The following WIF1 variants were observed in gnomAD, a reference collection of about 807,000 sequenced individuals.
The protein encoded by WIF1 is Wnt inhibitory factor 1.
WIF1 carries 35 observed loss-of-function variants against 53.5 expected under a neutral mutation model. That is an observed-to-expected ratio of 0.65 (90% CI 0.50 to 0.87). The LOEUF is 0.87. Ranked by LOEUF, WIF1 falls within the 40% of genes least tolerant of loss-of-function variation. The probability of loss-of-function intolerance (pLI) is 0.00; values close to 1 mark genes in which losing one functional copy is unlikely to be tolerated. For synonymous variants in WIF1, 171 were observed against 170.4 expected (o/e 1.00, Z -0.03); for missense variants, 467 against 476.8 (o/e 0.98, Z 0.19).
At chr12:65,118,568 T>C (rs189682602) in intron 2 of WIF1, among the ~76,000 whole-genome samples, 79 of 152,342 alleles carry the variant, frequency 5.2e-4, no homozygotes, top group African/African-American at 1.6e-3. Flanking sequence ...GGTGCTAACA[T>C]TGTCCTGCAT....
At chr12:65,101,390 T>G (rs897370503) in intron 2 of WIF1, among the ~76,000 whole-genome samples, 11 of 152,158 alleles carry the variant, frequency 7.2e-5, no homozygotes, top group Admixed American at 5.9e-4. Flanking sequence ...TAAATATTAG[T>G]AATATAGCTG....
chr12:65,055,944 G>A, intron 8 of WIF1, 87 bp downstream of exon 8: 5 of 1,182,080 alleles, frequency 4.2e-6, no homozygotes, highest in Non-Finnish European at 6.1e-6. Context: ...CAGGCAACAT[G>A]CACTAAGCAC....
chr12:65,062,426 T>C, intron 7 of WIF1, 55 bp downstream of exon 7: 4 of 1,429,592 alleles, frequency 2.8e-6, no homozygotes, highest in South Asian at 1.2e-5. Context: ...GAAGGGGTTA[T>C]ATGGGGTTTC....
intron 2 of WIF1, among the ~76,000 whole-genome samples, chr12:65,100,079 A>G (rs1198972871): frequency 1.3e-5 from 2 of 152,222 alleles, no homozygotes; most frequent in Non-Finnish European, 2.9e-5. Context: ...AAAGAAACTC[A>G]TAAAAATATT....
rs758383148 is a variant in WIF1, at chr12:65,112,404, TCACACACACACACACACACA to T, written c.288+7993_288+8012del. Among the ~76,000 whole-genome samples, 377 of 123,530 alleles carry T rather than the reference TCACACACACACACACACACA, an allele frequency of 3.1e-3. 3 individuals are homozygous for T. The highest frequency in any genetic ancestry group is 0.01 in the African/African-American group (362 of 34,884). 81.0% of individuals were successfully genotyped at this position (123,530 alleles called of 152,430 possible). A position where few individuals can be genotyped will look rare whatever the true frequency, so the allele number is the denominator to read the frequency against. ...ATTTTTTTACAGTTCCCTGCTCTAA[TCACACACACACACACACACA>T]CACACACACACACACACACACACAC... On this transcript the variant is annotated intron_variant, in intron 2 of 9. Coordinates refer to ENST00000286574, the MANE Select transcript of WIF1 (RefSeq NM_007191.5).
chr12:65,109,874 G>A (rs187032757), intron 2 of WIF1, among the ~76,000 whole-genome samples: 19 of 152,240 alleles, frequency 1.2e-4, no homozygotes, highest in Admixed American at 5.2e-4. Context: ...AAGAGTGCCC[G>A]GCTCAGAGTA....
At chr12:65,084,962 G>C (rs974791020) in intron 2 of WIF1, among the ~76,000 whole-genome samples, 1 of 152,112 alleles carries the variant, frequency 6.6e-6, no homozygotes, top group South Asian at 2.1e-4. Context: ...TTATCTACCC[G>C]ATCTGTGTGT....
chr12:65,094,390 C>G (rs1373373885), intron 2 of WIF1, among the ~76,000 whole-genome samples: 1 of 152,130 alleles, frequency 6.6e-6, no homozygotes, highest in Non-Finnish European at 1.5e-5. Flanking sequence ...AAGACATGCT[C>G]TCATGTGAAG....
chr12:65,069,795 G>A (rs1882745352), intron 3 of WIF1, among the ~76,000 whole-genome samples: 1 of 152,008 alleles, frequency 6.6e-6, no homozygotes, highest in African/African-American at 2.4e-5. Context: ...GTGAAAATGG[G>A]GCAAATCAGA....
At chr12:65,053,691 T>C (rs1432558383) in intron 9 of WIF1, among the ~76,000 whole-genome samples, 2 of 152,140 alleles carry the variant, frequency 1.3e-5, no homozygotes, top group Non-Finnish European at 2.9e-5. Context: ...CTAATACATG[T>C]AACCTAGACC....
intron 2 of WIF1, among the ~76,000 whole-genome samples, chr12:65,086,061 C>A (rs1280536802): frequency 6.6e-6 from 1 of 151,090 alleles, no homozygotes; most frequent in African/African-American, 2.4e-5. Flanking sequence ...AGGTTTTTTA[C>A]TTTTATTTTT....
intron 2 of WIF1, among the ~76,000 whole-genome samples, chr12:65,108,308 G>C (rs1261574176): frequency 6.6e-6 from 1 of 152,146 alleles, no homozygotes; most frequent in African/African-American, 2.4e-5. Context: ...AGAAGGAAGG[G>C]TGATAGGGCA....
Position 65,050,641 on chromosome 12 carries a change from A to G in WIF1, c.*708T>C, listed in dbSNP as rs1169779948. On this transcript the variant is annotated 3_prime_UTR_variant, in exon 10 of 10. Coordinates refer to ENST00000286574, the MANE Select transcript of WIF1 (RefSeq NM_007191.5). ...CACACAATGCTCAGAAAACTAAAGCAGCACCTTTATTTTATACATACAAAC... is the reference window on the plus strand; with the variant it reads ...CACACAATGCTCAGAAAACTAAAGCGGCACCTTTATTTTATACATACAAAC... The G allele has an allele frequency of 1.1e-5, 2 of 177,404 alleles. No individual in the cohort carries two copies. The highest frequency in any genetic ancestry group is 4.7e-5 in the African/African-American group (2 of 42,306). The allele number at this position is 177,404 out of a possible 1,614,324, so 11.0% of individuals were successfully genotyped here.
At chr12:65,090,872 G>A (rs1883111799) in intron 2 of WIF1, among the ~76,000 whole-genome samples, 1 of 152,126 alleles carries the variant, frequency 6.6e-6, no homozygotes, top group African/African-American at 2.4e-5. Flanking sequence ...GGTAGCAGGA[G>A]TCCCTTGACA....
chr12:65,121,238 C>T lies in WIF1; in HGVS notation c.-47G>A, dbSNP rs1314769490. 4 of 1,393,384 alleles carry T rather than the reference C, an allele frequency of 2.9e-6. No homozygotes were observed. The highest frequency in any genetic ancestry group is 3.8e-6 in the Non-Finnish European group (4 of 1,063,564). 86.3% of individuals were successfully genotyped at this position (1,393,384 alleles called of 1,614,324 possible). A position where few individuals can be genotyped will look rare whatever the true frequency, so the allele number is the denominator to read the frequency against. ...GCCGGGAAAACTCCTCGTGCCGCAC[C>T]TACGCAACCTGGCGCCGTCAGATAC... On this transcript the variant is annotated 5_prime_UTR_variant, in exon 1 of 10. Transcript: ENST00000286574.
intron 9 of WIF1, chr12:65,054,226 G>A (rs764071990): frequency 3.9e-5 from 6 of 152,028 alleles, no homozygotes; most frequent in East Asian, 1.9e-4. Context: ...TTATGTTTTC[G>A]AAGAGTATGG....
At chr12:65,072,438 C>T (rs978736005) in intron 3 of WIF1, among the ~76,000 whole-genome samples, 11 of 152,154 alleles carry the variant, frequency 7.2e-5, no homozygotes, top group African/African-American at 2.4e-4. Context: ...TTATGGTTTG[C>T]ATCCTTTGTT....
At chr12:65,081,094 T>G (rs1434171154) in intron 2 of WIF1, among the ~76,000 whole-genome samples, 5 of 151,430 alleles carry the variant, frequency 3.3e-5, no homozygotes, top group Non-Finnish European at 2.9e-5. Flanking sequence ...TGAATTTATA[T>G]CTTTTCATGA....
intron 2 of WIF1, among the ~76,000 whole-genome samples, chr12:65,118,359 C>T (rs1883544550): frequency 6.6e-6 from 1 of 152,152 alleles, no homozygotes. Flanking sequence ...GCTGGGATCA[C>T]ATAACTTTAG....
Sources: allele counts gnomAD v4.1 joint callset (sites outside exome capture counted in the v4.1 genomes callset), GRCh38; gene constraint gnomAD v4.1.1; transcripts MANE v1.5; gene names NCBI Gene and HGNC (gene_info 2026-07-23, HGNC 2026-07-21).